Variants in GPM6A observed in about 807,000 individuals in gnomAD.
GPM6A encodes neuronal membrane glycoprotein M6-a.
A neutral mutation model predicts 32.1 loss-of-function variants in GPM6A; 7 were observed. The ratio of observed to expected loss-of-function variants is 0.22; its 90% CI spans 0.12 to 0.41. The LOEUF (loss-of-function observed/expected upper bound fraction) is 0.41, where lower values mean the gene tolerates loss of function less well. Ranked by LOEUF, GPM6A falls within the 10% of genes least tolerant of loss-of-function variation. The pLI is 1.00. For synonymous variants in GPM6A, 130 were observed against 123.4 expected (o/e 1.05, Z -0.35); for missense variants, 235 against 347.2 (o/e 0.68, Z 2.57).
At chr4:175,913,818 C>T (rs1018430577) in intron 1 of GPM6A, among the ~76,000 whole-genome samples, 5 of 152,168 alleles carry the variant, frequency 3.3e-5, no homozygotes, top group African/African-American at 1.2e-4. Flanking sequence ...AATTCTCCAA[C>T]CAACTTCCTT....
intron 1 of GPM6A, among the ~76,000 whole-genome samples, chr4:175,752,157 G>A (rs901618365): frequency 6.6e-6 from 1 of 152,036 alleles, no homozygotes; most frequent in Non-Finnish European, 1.5e-5. Context: ...ATATAATTGT[G>A]GATCATTTCT....
chr4:175,979,394 A>G (rs1740757163), intron 1 of GPM6A, among the ~76,000 whole-genome samples: 1 of 152,228 alleles, frequency 6.6e-6, no homozygotes, highest in South Asian at 2.1e-4. Context: ...CTATTACTAA[A>G]GCAGAGTCAA....
chr4:175,720,630 C>T (rs1328314184), intron 1 of GPM6A, among the ~76,000 whole-genome samples: 1 of 152,152 alleles, frequency 6.6e-6, no homozygotes, highest in Admixed American at 6.5e-5. Context: ...ATGGACACAG[C>T]ACTGAAGAAC....
chr4:175,847,828 A>T (rs55844913), intron 1 of GPM6A, among the ~76,000 whole-genome samples: 5,752 of 152,296 alleles, frequency 0.038, 151 homozygotes, highest in Middle Eastern at 0.061. Flanking sequence ...TTACAGCTGT[A>T]GCACGTGATA....
intron 1 of GPM6A, among the ~76,000 whole-genome samples, chr4:175,950,836 A>C (rs561847101): frequency 4.4e-4 from 67 of 152,356 alleles, no homozygotes; most frequent in African/African-American, 1.6e-3. Flanking sequence ...TTCCTACAGA[A>C]ATTATCAGCC....
chr4:175,987,718 T>TAGTG (rs1741022417), intron 1 of GPM6A, among the ~76,000 whole-genome samples: 1 of 152,158 alleles, frequency 6.6e-6, no homozygotes, highest in Non-Finnish European at 1.5e-5. Context: ...TTCTCCAATT[T>TAGTG]AGTGGATCTA....
At chr4:175,821,336 T>G (rs2111350001) in intron 1 of GPM6A, among the ~76,000 whole-genome samples, 1 of 152,312 alleles carries the variant, frequency 6.6e-6, no homozygotes, top group African/African-American at 2.4e-5. Context: ...TATTGTTTGC[T>G]TTTTGGTATT....
upstream of GPM6A, chr4:175,812,787 C>T (rs534800022): frequency 5.1e-6 from 5 of 985,454 alleles, no homozygotes; most frequent in African/African-American, 8.7e-5. Flanking sequence ...CTTTATGCTG[C>T]AGCAGTGGCT....
chr4:175,807,292 G>T lies in GPM6A; in HGVS notation c.37+4899C>A, dbSNP rs1303046964. ...TCAAGAATACACTAAAGAAAGACTGGTGTCAAAGTTGAAATTTAATACATT... is the reference window on the plus strand; with the variant it reads ...TCAAGAATACACTAAAGAAAGACTGTTGTCAAAGTTGAAATTTAATACATT... On this transcript the variant is annotated intron_variant, in intron 1 of 6. Transcript: ENST00000393658. 5 of 152,150 alleles carry T rather than the reference G, an allele frequency of 3.3e-5. No homozygotes were observed. In the East Asian group the frequency reaches 9.6e-4, roughly 29 times the overall value. 9.4% of individuals were successfully genotyped at this position (152,150 alleles called of 1,614,324 possible). A position where few individuals can be genotyped will look rare whatever the true frequency, so the allele number is the denominator to read the frequency against.
At chr4:175,659,955 CAAAT>C (rs1330286466) in intron 3 of GPM6A, among the ~76,000 whole-genome samples, 3 of 152,082 alleles carry the variant, frequency 2.0e-5, no homozygotes, top group East Asian at 3.9e-4. Context: ...AAAAATATGA[CAAAT>C]AAAAGGCAAC....
At chr4:175,688,586 A>G (rs1744125272) in intron 2 of GPM6A, among the ~76,000 whole-genome samples, 1 of 152,146 alleles carries the variant, frequency 6.6e-6, no homozygotes, top group African/African-American at 2.4e-5. Context: ...CTAGGGTTCA[A>G]CAGCACAGTA....
chr4:175,766,965 C>G (rs1303687753), intron 1 of GPM6A, among the ~76,000 whole-genome samples: 1 of 152,038 alleles, frequency 6.6e-6, no homozygotes, highest in Non-Finnish European at 1.5e-5. Context: ...TCCACTTACT[C>G]TTTACCTCTG....
At chr4:175,902,344 C>A (rs559104762) in intron 1 of GPM6A, among the ~76,000 whole-genome samples, 1 of 152,216 alleles carries the variant, frequency 6.6e-6, no homozygotes, top group Admixed American at 6.5e-5. Flanking sequence ...TAAAAAGCAG[C>A]CTCCAAATCA....
intron 1 of GPM6A, among the ~76,000 whole-genome samples, chr4:175,732,965 A>G (rs1381402397): frequency 6.6e-6 from 1 of 152,186 alleles, no homozygotes; most frequent in Non-Finnish European, 1.5e-5. Flanking sequence ...GTCCACACAA[A>G]TTGCAGCAGC....
intron 1 of GPM6A, among the ~76,000 whole-genome samples, chr4:175,746,855 A>C (rs2111178543): frequency 6.6e-6 from 1 of 152,328 alleles, no homozygotes; most frequent in East Asian, 1.9e-4. Context: ...AAAATCGGGA[A>C]GTGAACCTTG....
intron 4 of GPM6A, among the ~76,000 whole-genome samples, chr4:175,649,611 G>A (rs1175278081): frequency 2.0e-5 from 3 of 152,052 alleles, no homozygotes; most frequent in Admixed American, 6.6e-5. Context: ...CTAATCTCTC[G>A]TGTATTTCTG....
intron 1 of GPM6A, among the ~76,000 whole-genome samples, chr4:175,716,344 G>A (rs574156212): frequency 2.0e-5 from 3 of 152,192 alleles, no homozygotes; most frequent in African/African-American, 7.2e-5. Context: ...ACAATTTTGT[G>A]TTTTCCTCCT....
intron 1 of GPM6A, among the ~76,000 whole-genome samples, chr4:175,876,077 G>A (rs1323512540): frequency 1.3e-5 from 2 of 152,118 alleles, no homozygotes; most frequent in Non-Finnish European, 2.9e-5. Flanking sequence ...TTCTTCATCC[G>A]TAAATTGAGA....
intron 1 of GPM6A, among the ~76,000 whole-genome samples, chr4:175,898,741 T>A (rs1737868248): frequency 6.6e-6 from 1 of 152,180 alleles, no homozygotes. Flanking sequence ...CCAAACTGAC[T>A]TCTATTCTCT....
Sources: gnomAD v4.1 joint callset for allele counts (sites outside exome capture counted in the v4.1 genomes callset) on GRCh38, gnomAD v4.1.1 for gene constraint, MANE v1.5 for transcripts, NCBI Gene and HGNC (gene_info 2026-07-23, HGNC 2026-07-21) for gene names.